The following CAAP1 variants were observed in gnomAD, a reference collection of about 807,000 sequenced individuals.
CAAP1 encodes caspase activity and apoptosis inhibitor 1.
CAAP1 carries 20 observed loss-of-function variants against 34.0 expected under a neutral mutation model. That is an observed-to-expected ratio of 0.59 (90% CI 0.41 to 0.86). The LOEUF is 0.86. CAAP1 is among the 40% of genes least tolerant of loss of function. The pLI, the probability that CAAP1 is intolerant of heterozygous loss-of-function variation, is 0.00. For missense variants in CAAP1, 538 were observed against 450.5 expected, an observed-to-expected ratio of 1.19 and a Z score of -1.76; for synonymous variants, 213 against 166.7, an observed-to-expected ratio of 1.28 and a Z score of -2.14.
In CAAP1 at chr9:26,847,198, A is replaced by ATTTTTTTTTTTTTTTTTTT. The variant is rs1171628621; in HGVS notation, c.740-4570_740-4552dup. 4.9e-4 allele frequency among the ~76,000 whole-genome samples: 17 copies of ATTTTTTTTTTTTTTTTTTT among 34,750 alleles called. 6 individuals are homozygous for ATTTTTTTTTTTTTTTTTTT. The highest frequency in any genetic ancestry group is 8.5e-4 in the Non-Finnish European group (17 of 20,062). The allele number at this position is 34,750 out of a possible 152,430, so 22.8% of individuals were successfully genotyped here. On this transcript the variant is annotated intron_variant, in intron 5 of 5. Transcript: ENST00000333916. ...TTTTTACTAGTAAGTAAAAAGCAAT[A>ATTTTTTTTTTTTTTTTTTT]TTTTTTTTTTTTTTTTTTTTTTTTT...
At chr9:26,869,496 G>GA (rs940435727) in intron 4 of CAAP1, among the ~76,000 whole-genome samples, 1 of 151,978 alleles carries the variant, frequency 6.6e-6, no homozygotes, top group East Asian at 1.9e-4. Context: ...TAGTTAAAAT[G>GA]AAAAAATCTG....
intron 4 of CAAP1, among the ~76,000 whole-genome samples, chr9:26,872,700 G>A (rs1823310753): frequency 6.6e-6 from 1 of 151,546 alleles, no homozygotes; most frequent in Non-Finnish European, 1.5e-5. Flanking sequence ...CAGATTACAG[G>A]CATAAGCCAC....
intron 5 of CAAP1, among the ~76,000 whole-genome samples, chr9:26,853,177 T>C (rs1004639043): frequency 9.2e-5 from 14 of 152,058 alleles, no homozygotes; most frequent in Non-Finnish European, 1.6e-4. Context: ...GGAGCATGGA[T>C]AGAAACAGTG....
chr9:26,875,546 T>C (rs1823408482), intron 4 of CAAP1, among the ~76,000 whole-genome samples: 1 of 152,246 alleles, frequency 6.6e-6, no homozygotes, highest in Non-Finnish European at 1.5e-5. Flanking sequence ...TTATTTTTCT[T>C]CTTTAAAAAA....
chr9:26,881,126 C>T (rs563762109), intron 4 of CAAP1, among the ~76,000 whole-genome samples: 15 of 152,088 alleles, frequency 9.9e-5, no homozygotes, highest in Non-Finnish European at 1.9e-4. Context: ...CTGGGTAACA[C>T]AGCAAGACCC....
intron 5 of CAAP1, among the ~76,000 whole-genome samples, chr9:26,843,325 AAC>A (rs1822522641): frequency 2.6e-5 from 4 of 152,204 alleles, no homozygotes; most frequent in Admixed American, 2.0e-4. Context: ...AACATAAATA[AAC>A]ACAGATTATG....
Position 26,840,755 on chromosome 9 carries a change from C to T in CAAP1, c.*1546G>A, listed in dbSNP as rs1371172639. On this transcript the variant is annotated 3_prime_UTR_variant, in exon 6 of 6. Coordinates refer to ENST00000333916, the MANE Select transcript of CAAP1 (RefSeq NM_024828.4). Reference sequence around the variant, plus strand: ...GTTTTACTTTATATGTTTAATCATACAGATGCCATCTACAGTATTTTGTAG... The same window carrying T: ...GTTTTACTTTATATGTTTAATCATATAGATGCCATCTACAGTATTTTGTAG... 1.3e-5 allele frequency: 2 copies of T among 152,194 alleles called. No individual in the cohort carries two copies. The highest frequency in any genetic ancestry group is 2.9e-5 in the Non-Finnish European group (2 of 68,030). 9.4% of individuals were successfully genotyped at this position (152,194 alleles called of 1,614,324 possible).
intron 5 of CAAP1, among the ~76,000 whole-genome samples, chr9:26,856,429 A>C (rs1822871976): frequency 6.6e-6 from 1 of 152,174 alleles, no homozygotes; most frequent in African/African-American, 2.4e-5. Flanking sequence ...AAAAGAGTGT[A>C]TATTTCACAT....
At chr9:26,869,881 T>A in intron 4 of CAAP1, 1 of 838,594 alleles carries the variant, frequency 1.2e-6, no homozygotes, top group Non-Finnish European at 1.4e-6. Context: ...AAACTTCAAT[T>A]TTTTAAAAAG....
intron 4 of CAAP1, among the ~76,000 whole-genome samples, chr9:26,884,300 T>C (rs1311826857): frequency 6.6e-6 from 1 of 152,158 alleles, no homozygotes; most frequent in Non-Finnish European, 1.5e-5. Context: ...ATCCCAAAAC[T>C]TCAGGTATTT....
rs754624204 is a variant in CAAP1 at position 26,887,293 on chromosome 9, T to A, written c.504+20A>T. ...GCTGTATTTCTACATATGTATCTAG[T>A]CTGATGTGTAATGAAGTACCTTTAA... On this transcript the variant is annotated intron_variant, in intron 2 of 5. Coordinates refer to ENST00000333916, the MANE Select transcript of CAAP1 (RefSeq NM_024828.4). 26 of 1,473,340 alleles carry A rather than the reference T, an allele frequency of 1.8e-5. No homozygotes were observed. The highest frequency in any genetic ancestry group is 2.4e-5 in the Non-Finnish European group (26 of 1,083,886). 91.3% of individuals were successfully genotyped at this position (1,473,340 alleles called of 1,614,324 possible). A position where few individuals can be genotyped will look rare whatever the true frequency, so the allele number is the denominator to read the frequency against.
At chr9:26,892,292 G>T in intron 1 of CAAP1, 121 bp downstream of exon 1, 1 of 1,536,354 alleles carries the variant, frequency 6.5e-7, no homozygotes, top group Non-Finnish European at 8.7e-7. Flanking sequence ...CCTCAAGGAC[G>T]GACGACCTTG....
intron 5 of CAAP1, among the ~76,000 whole-genome samples, chr9:26,848,529 A>C (rs760258145): frequency 2.2e-4 from 33 of 152,164 alleles, no homozygotes; most frequent in Non-Finnish European, 4.3e-4. Flanking sequence ...AAAAGAAAAA[A>C]TAGTTCTTAT....
chr9:26,877,947 G>A (rs1054318464), intron 4 of CAAP1, among the ~76,000 whole-genome samples: 1 of 151,438 alleles, frequency 6.6e-6, no homozygotes, highest in African/African-American at 2.4e-5. Flanking sequence ...TCCTTTCTAT[G>A]TTTCATTTTC....
chr9:26,885,450 C>T (rs985611716), intron 3 of CAAP1, among the ~76,000 whole-genome samples: 5 of 152,092 alleles, frequency 3.3e-5, no homozygotes, highest in Non-Finnish European at 7.4e-5. Flanking sequence ...ACACTATGTA[C>T]ATATGTATAT....
chr9:26,891,156 T>A (rs925763415), intron 1 of CAAP1, among the ~76,000 whole-genome samples: 1 of 152,084 alleles, frequency 6.6e-6, no homozygotes, highest in Non-Finnish European at 1.5e-5. Flanking sequence ...CCTGATAAAA[T>A]CTCTACATAA....
At chr9:26,887,023 G>A (rs188229628) in intron 2 of CAAP1, among the ~76,000 whole-genome samples, 274 of 152,246 alleles carry the variant, frequency 1.8e-3, no homozygotes, top group African/African-American at 6.3e-3. Flanking sequence ...AGACCAGCCT[G>A]GCCAACACGG....
chr9:26,873,852 C>T (rs1823341857), intron 4 of CAAP1, among the ~76,000 whole-genome samples: 1 of 152,090 alleles, frequency 6.6e-6, no homozygotes, highest in South Asian at 2.1e-4. Context: ...TAAATTTGCT[C>T]ATTTTCTTTT....
At chr9:26,855,803 G>A (rs1221735058) in intron 5 of CAAP1, among the ~76,000 whole-genome samples, 3 of 152,088 alleles carry the variant, frequency 2.0e-5, no homozygotes, top group East Asian at 1.9e-4. Context: ...TTTCCCTAAT[G>A]AACTGGGTAA....
Sources: allele counts gnomAD v4.1 joint callset (sites outside exome capture counted in the v4.1 genomes callset), GRCh38; gene constraint gnomAD v4.1.1; transcripts MANE v1.5; gene names NCBI Gene and HGNC (gene_info 2026-07-23, HGNC 2026-07-21).